TMEM132B: variants seen among roughly 807,000 people sequenced by gnomAD.
TMEM132B encodes the protein transmembrane protein 132B.
In TMEM132B, 18 loss-of-function variants were observed where a neutral mutation model predicts 90.8. The observed-to-expected ratio is 0.20, with a 90% CI of 0.14 to 0.29. The LOEUF is 0.29. TMEM132B is among the 10% of genes least tolerant of loss of function. The probability of loss-of-function intolerance (pLI) is 1.00; values close to 1 mark genes in which losing one functional copy is unlikely to be tolerated. For synonymous variants in TMEM132B, 504 were observed against 523.3 expected, an observed-to-expected ratio of 0.96 and a Z score of 0.50; for missense variants, 1,096 against 1,326.8, an observed-to-expected ratio of 0.83 and a Z score of 2.70.
chr12:125,216,933 C>T (rs190761917), intron 1 of TMEM132B, among the ~76,000 whole-genome samples: 28 of 152,344 alleles, frequency 1.8e-4, no homozygotes, highest in African/African-American at 5.8e-4. Flanking sequence ...CCACTGGCTG[C>T]GATCTTGGCG....
At chr12:125,556,726 A>T (rs1884397824) in intron 4 of TMEM132B, among the ~76,000 whole-genome samples, 1 of 152,154 alleles carries the variant, frequency 6.6e-6, no homozygotes, top group African/African-American at 2.4e-5. Context: ...TCATGATAAA[A>T]ATTAGCCATT....
At chr12:125,644,741 A>G (rs953032756) in intron 6 of TMEM132B, among the ~76,000 whole-genome samples, 1 of 152,012 alleles carries the variant, frequency 6.6e-6, no homozygotes. Context: ...GTTCCCCACC[A>G]CCATCCCGCG....
At chr12:125,187,331 G>C (rs1350075334) in intron 1 of TMEM132B, among the ~76,000 whole-genome samples, 1 of 152,154 alleles carries the variant, frequency 6.6e-6, no homozygotes, top group Non-Finnish European at 1.5e-5. Context: ...GAGATGTCTC[G>C]GCCGGCGCTG....
At chr12:125,497,211 T>A (rs1239167841) in intron 3 of TMEM132B, among the ~76,000 whole-genome samples, 1 of 152,252 alleles carries the variant, frequency 6.6e-6, no homozygotes, top group Non-Finnish European at 1.5e-5. Flanking sequence ...AGCAGTACTT[T>A]AAGTGTCTAG....
chr12:125,437,191 C>G (rs1396890079), intron 3 of TMEM132B, among the ~76,000 whole-genome samples: 1 of 152,156 alleles, frequency 6.6e-6, no homozygotes, highest in Non-Finnish European at 1.5e-5. Context: ...GCAGAGTGAC[C>G]CCGCTCCTCC....
At chr12:125,591,162 A>C (rs1593009818) in intron 5 of TMEM132B, among the ~76,000 whole-genome samples, 2 of 152,162 alleles carry the variant, frequency 1.3e-5, no homozygotes, top group East Asian at 3.8e-4. Flanking sequence ...TGAATTTGCA[A>C]AAGATGTATT....
intron 4 of TMEM132B, among the ~76,000 whole-genome samples, chr12:125,562,576 A>G (rs1403201440): frequency 6.6e-6 from 1 of 152,152 alleles, no homozygotes; most frequent in Non-Finnish European, 1.5e-5. Flanking sequence ...AAACACTTAG[A>G]GGCCATTGTA....
chr12:125,384,119 G>C (rs1392392957), intron 2 of TMEM132B, among the ~76,000 whole-genome samples: 1 of 151,854 alleles, frequency 6.6e-6, no homozygotes, highest in Non-Finnish European at 1.5e-5. Flanking sequence ...GCTAATTTTT[G>C]TATTTTTAGT....
chr12:125,426,890 A>G (rs1880333578), intron 3 of TMEM132B, among the ~76,000 whole-genome samples: 1 of 152,244 alleles, frequency 6.6e-6, no homozygotes, highest in South Asian at 2.1e-4. Context: ...TCATAGGACA[A>G]GAGACCAAGT....
chr12:125,367,199 G>T (rs961137342), intron 2 of TMEM132B, among the ~76,000 whole-genome samples: 4 of 152,082 alleles, frequency 2.6e-5, no homozygotes, highest in African/African-American at 7.2e-5. Flanking sequence ...TCTGGAATGG[G>T]TCTCATTTTT....
At chr12:125,423,731 G>GTAAT (rs1880234721) in intron 3 of TMEM132B, among the ~76,000 whole-genome samples, 1 of 152,118 alleles carries the variant, frequency 6.6e-6, no homozygotes, top group Non-Finnish European at 1.5e-5. Flanking sequence ...GATTGAAAGG[G>GTAAT]TAATAACTGT....
chr12:125,362,660 C>T (rs931062237), intron 2 of TMEM132B, among the ~76,000 whole-genome samples: 6 of 152,222 alleles, frequency 3.9e-5, no homozygotes, highest in Non-Finnish European at 5.9e-5. Flanking sequence ...CTACTCTGTA[C>T]GTCTGTGAGT....
chr12:125,650,241 C>T (rs1353072854), intron 6 of TMEM132B, among the ~76,000 whole-genome samples: 1 of 152,078 alleles, frequency 6.6e-6, no homozygotes, highest in Non-Finnish European at 1.5e-5. Flanking sequence ...AAGGGGCCAG[C>T]TGTTCCTATG....
At chr12:125,610,928 T>C (rs764122139) in intron 5 of TMEM132B, among the ~76,000 whole-genome samples, 6 of 152,142 alleles carry the variant, frequency 3.9e-5, no homozygotes, top group Non-Finnish European at 8.8e-5. Flanking sequence ...CCCTTCTCTG[T>C]TATTATTTGG....
At chr12:125,623,867 C>G (rs546948766) in intron 5 of TMEM132B, among the ~76,000 whole-genome samples, 2 of 152,270 alleles carry the variant, frequency 1.3e-5, no homozygotes, top group South Asian at 4.1e-4. Context: ...GAACTCTATG[C>G]CTTTAAGACA....
chr12:125,593,988 C>CCAAAAT (rs758255723), intron 5 of TMEM132B, among the ~76,000 whole-genome samples: 11 of 152,052 alleles, frequency 7.2e-5, no homozygotes, highest in Admixed American at 1.3e-4. Flanking sequence ...GAAATTATCA[C>CCAAAAT]CAAAATCAAA....
At chr12:125,468,176 G>A (rs1194698396) in intron 3 of TMEM132B, among the ~76,000 whole-genome samples, 1 of 151,792 alleles carries the variant, frequency 6.6e-6, no homozygotes, top group Admixed American at 6.6e-5. Context: ...ACTTTTTGAG[G>A]AACCACCAAA....
chr12:125,222,172 G>C (rs1052103652), intron 1 of TMEM132B, among the ~76,000 whole-genome samples: 1 of 152,174 alleles, frequency 6.6e-6, no homozygotes, highest in African/African-American at 2.4e-5. Context: ...AGGGAGCAGT[G>C]GGTGTTTGTG....
intron 3 of TMEM132B, among the ~76,000 whole-genome samples, chr12:125,417,216 G>A (rs1052279939): frequency 2.6e-5 from 4 of 152,060 alleles, no homozygotes; most frequent in Non-Finnish European, 5.9e-5. Flanking sequence ...GACTGGAAGG[G>A]GGAGGCGGGG....
Sources: allele counts gnomAD v4.1 joint callset (sites outside exome capture counted in the v4.1 genomes callset), GRCh38; gene constraint gnomAD v4.1.1; transcripts MANE v1.5; gene names NCBI Gene and HGNC (gene_info 2026-07-23, HGNC 2026-07-21).